PLCB1: variants seen among roughly 807,000 people sequenced by gnomAD.
PLCB1 encodes 1-phosphatidylinositol 4,5-bisphosphate phosphodiesterase beta-1.
Under a neutral mutation model 161.8 loss-of-function variants are expected in PLCB1, and 46 were observed. The ratio of observed to expected loss-of-function variants is 0.28; its 90% CI spans 0.22 to 0.36. The LOEUF (loss-of-function observed/expected upper bound fraction) is 0.36, where lower values mean the gene tolerates loss of function less well. PLCB1 is among the 10% of genes least tolerant of loss of function. PLCB1 has a pLI of 1.00. For synonymous variants in PLCB1, 517 were observed against 503.7 expected (o/e 1.03, Z -0.35); for missense variants, 1,016 against 1,472.5 (o/e 0.69, Z 5.07).
At chr20:8,758,323 G>A (rs948923307) in intron 24 of PLCB1, among the ~76,000 whole-genome samples, 12 of 151,934 alleles carry the variant, frequency 7.9e-5, no homozygotes, top group East Asian at 5.8e-4. Context: ...GCTCATGCCC[G>A]TAATCCCAGT....
chr20:8,310,004 A>G (rs1555797223), intron 2 of PLCB1, among the ~76,000 whole-genome samples: 1 of 151,838 alleles, frequency 6.6e-6, no homozygotes, highest in Non-Finnish European at 1.5e-5. Context: ...TAAAATTTCT[A>G]CTGTGTAATC....
chr20:8,315,708 C>T, intron 2 of PLCB1, among the ~76,000 whole-genome samples: 1 of 152,106 alleles, frequency 6.6e-6, no homozygotes, highest in Non-Finnish European at 1.5e-5. Context: ...GTCTGCCGGT[C>T]TTGCTTACAT....
intron 2 of PLCB1, among the ~76,000 whole-genome samples, chr20:8,254,314 A>T (rs140006658): frequency 6.6e-6 from 1 of 152,122 alleles, no homozygotes; most frequent in African/African-American, 2.4e-5. Flanking sequence ...TTGTTAGGTT[A>T]TACCCACCTG....
At chr20:8,849,731 A>G (rs1183675638) in intron 31 of PLCB1, among the ~76,000 whole-genome samples, 1 of 151,398 alleles carries the variant, frequency 6.6e-6, no homozygotes, top group Non-Finnish European at 1.5e-5. Flanking sequence ...AGAACCAAGC[A>G]GGGCTGAGCG....
At chr20:8,600,516 G>A (rs1237686997) in intron 3 of PLCB1, among the ~76,000 whole-genome samples, 2 of 151,066 alleles carry the variant, frequency 1.3e-5, no homozygotes, top group Non-Finnish European at 2.9e-5. Context: ...TCTCAGACAG[G>A]GACATTTAAG....
intron 4 of PLCB1, among the ~76,000 whole-genome samples, chr20:8,645,411 A>AATTTT (rs769142195): frequency 1.3e-5 from 2 of 152,154 alleles, no homozygotes; most frequent in Non-Finnish European, 2.9e-5. Flanking sequence ...TCTCTTGGAG[A>AATTTT]ATTTTGTAGG....
intron 2 of PLCB1, among the ~76,000 whole-genome samples, chr20:8,217,102 A>G (rs1979175461): frequency 6.6e-6 from 1 of 152,098 alleles, no homozygotes; most frequent in African/African-American, 2.4e-5. Context: ...CTTGTTTTAA[A>G]CCCACTTTAC....
chr20:8,527,839 A>G (rs1984642614), intron 3 of PLCB1, among the ~76,000 whole-genome samples: 1 of 152,120 alleles, frequency 6.6e-6, no homozygotes, highest in South Asian at 2.1e-4. Context: ...ATAAACTAGC[A>G]CAGACCTTTG....
chr20:8,445,307 T>C (rs1232739), intron 3 of PLCB1, among the ~76,000 whole-genome samples: 1 of 152,104 alleles, frequency 6.6e-6, no homozygotes, highest in Non-Finnish European at 1.5e-5. Flanking sequence ...ATAGGGAATC[T>C]TTTCCCCATT....
At chr20:8,833,093 T>G (rs1326209159) in intron 31 of PLCB1, among the ~76,000 whole-genome samples, 7 of 152,192 alleles carry the variant, frequency 4.6e-5, no homozygotes, top group African/African-American at 1.7e-4. Context: ...ATGAGGAGAT[T>G]ATCTTGGGTC....
intron 2 of PLCB1, among the ~76,000 whole-genome samples, chr20:8,328,268 T>TG (rs1036128641): frequency 1.3e-5 from 2 of 152,136 alleles, no homozygotes; most frequent in African/African-American, 4.8e-5. Context: ...TTTAATATTT[T>TG]GTTCACCAAA....
chr20:8,401,721 C>T (rs1188873356), intron 3 of PLCB1, among the ~76,000 whole-genome samples: 1 of 152,162 alleles, frequency 6.6e-6, no homozygotes, highest in Non-Finnish European at 1.5e-5. Flanking sequence ...TTTGCTGTGG[C>T]AGGAGAAAAC....
intron 31 of PLCB1, among the ~76,000 whole-genome samples, chr20:8,807,949 T>C (rs889454892): frequency 2.6e-5 from 4 of 152,144 alleles, no homozygotes; most frequent in African/African-American, 9.7e-5. Context: ...TTCATCATTA[T>C]AAAAGAGCTG....
chr20:8,409,563 A>G (rs1173609973), intron 3 of PLCB1, among the ~76,000 whole-genome samples: 1 of 151,900 alleles, frequency 6.6e-6, no homozygotes, highest in East Asian at 1.9e-4. Context: ...CCCAGGTTCA[A>G]GTAATTCTCC....
At chr20:8,659,506 A>G (rs1201845944) in intron 9 of PLCB1, among the ~76,000 whole-genome samples, 2 of 152,196 alleles carry the variant, frequency 1.3e-5, no homozygotes, top group African/African-American at 2.4e-5. Flanking sequence ...AGGAAAATAA[A>G]GTACAATTAA....
intron 2 of PLCB1, among the ~76,000 whole-genome samples, chr20:8,318,870 T>G (rs1196171656): frequency 6.6e-6 from 1 of 152,200 alleles, no homozygotes; most frequent in African/African-American, 2.4e-5. Flanking sequence ...TTATAATCTA[T>G]TAAGTGTCAA....
intron 2 of PLCB1, among the ~76,000 whole-genome samples, chr20:8,346,732 C>T (rs1454106198): frequency 6.6e-6 from 1 of 152,132 alleles, no homozygotes; most frequent in Non-Finnish European, 1.5e-5. Context: ...AAGCCTCTCC[C>T]TGTCCCAAGA....
intron 2 of PLCB1, among the ~76,000 whole-genome samples, chr20:8,276,929 CTTCTT>C: frequency 5.4e-5 from 1 of 18,446 alleles, no homozygotes; most frequent in Non-Finnish European, 1.5e-4. Flanking sequence ...TTCTTCTTTT[CTTCTT>C]CTTCTTCTTC....
chr20:8,141,865 A>G (rs73078264), intron 1 of PLCB1: 6,650 of 152,112 alleles, frequency 0.044, 182 homozygotes, highest in South Asian at 0.12. Flanking sequence ...GCTGATTCCT[A>G]TTTAGGCTTG....
Sources: gnomAD v4.1 joint callset for allele counts (sites outside exome capture counted in the v4.1 genomes callset) on GRCh38, gnomAD v4.1.1 for gene constraint, MANE v1.5 for transcripts, NCBI Gene and HGNC (gene_info 2026-07-23, HGNC 2026-07-21) for gene names.